Variants in CASP14 observed in about 807,000 individuals in gnomAD.
The protein encoded by CASP14 is caspase 14, also known as caspase-14.
In CASP14, 27 loss-of-function variants were observed where a neutral mutation model predicts 28.4. The observed-to-expected ratio is 0.95, with a 90% confidence interval of 0.70 to 1.31. The LOEUF is 1.31. Ranked by LOEUF, CASP14 falls within the 50% of genes most tolerant of loss-of-function variation. CASP14 has a pLI of 0.00. For synonymous variants in CASP14, 115 were observed against 118.6 expected (o/e 0.97, Z 0.20); for missense variants, 323 against 312.8 (o/e 1.03, Z -0.25).
Position 15,053,574 on chromosome 19 carries a change from A to G in CASP14, c.120A>G (p.Glu40=). ...CCGAAGAAGACCTGGATGCTCTGGA[A>G]CACATGTTTCGGCAGCTGAGATTCG... ...EGSEEDLDAL[E]HMFRQLRFES... Residue 40 remains glutamate (E), a synonymous_variant, in exon 3 of 7, where the codon GAA becomes GAG. Transcript: ENST00000427043. 1 of 1,614,208 alleles carries G rather than the reference A, an allele frequency of 6.2e-7. No individual in the cohort carries two copies. The highest frequency in any genetic ancestry group is 8.5e-7 in the Non-Finnish European group (1 of 1,180,044).
rs1280307258 is a variant in CASP14, at chr19:15,057,958, A to C, written c.*1869A>C. ...CATCAGGATCTCTCACACCCTTCCAATTTTGCCATCTACCAGCACTTAGCT... is the reference window on the plus strand; with the variant it reads ...CATCAGGATCTCTCACACCCTTCCACTTTTGCCATCTACCAGCACTTAGCT... On this transcript the variant is annotated 3_prime_UTR_variant, in exon 7 of 7. Transcript: ENST00000427043. 1 of 152,178 alleles carries C rather than the reference A, an allele frequency of 6.6e-6. No individual in the cohort carries two copies. The highest frequency in any genetic ancestry group is 1.5e-5 in the Non-Finnish European group (1 of 68,080). 9.4% of individuals were successfully genotyped at this position (152,178 alleles called of 1,614,324 possible). A position where few individuals can be genotyped will look rare whatever the true frequency, so the allele number is the denominator to read the frequency against.
chr19:15,053,475 G>A lies in CASP14; in HGVS notation c.28-7G>A, dbSNP rs770818396. 4.3e-6 allele frequency: 7 copies of A among 1,613,852 alleles called. 1 individual carries two copies. The African/African-American group carries it at 9.3e-5, about 22-fold the overall frequency. ...CCATGCTGATTTCTGTCTTCTCTTGGCCCCAGGAGAAATATGATATGTCAG... is the reference window on the plus strand; with the variant it reads ...CCATGCTGATTTCTGTCTTCTCTTGACCCCAGGAGAAATATGATATGTCAG... On this transcript the variant is annotated splice_polypyrimidine_tract_variant and splice_region_variant and intron_variant, in intron 2 of 6. Coordinates refer to ENST00000427043, the MANE Select transcript of CASP14 (RefSeq NM_012114.3).
In CASP14 at chr19:15,055,534, G is replaced by A. The variant is rs777427647; in HGVS notation, c.624+1G>A. On this transcript the variant is annotated splice_donor_variant, in intron 6 of 6. Coordinates refer to ENST00000427043, the MANE Select transcript of CASP14 (RefSeq NM_012114.3). LOFTEE classifies it high-confidence loss of function. ...ACATATCTTGGAACTTCTGACAGAG[G>A]TGAGTTGACAAAAGGTAGCTGGGAC... 57 of 1,612,038 alleles carry A rather than the reference G, an allele frequency of 3.5e-5. No individual in the cohort carries two copies. In the East Asian group the frequency reaches 1.0e-3, roughly 29 times the overall value.
At chr19:15,051,512 A>AAAAG (rs1272964208) in intron 1 of CASP14, among the ~76,000 whole-genome samples, 1 of 151,276 alleles carries the variant, frequency 6.6e-6, no homozygotes, top group Non-Finnish European at 1.5e-5. Context: ...CAAAAAAAAA[A>AAAAG]AAAAAAAAAG....
intron 1 of CASP14, among the ~76,000 whole-genome samples, chr19:15,050,268 T>C (rs1418777932): frequency 6.6e-6 from 1 of 151,738 alleles, no homozygotes; most frequent in Non-Finnish European, 1.5e-5. Flanking sequence ...TCACAATCTT[T>C]GGCTCCTCTT....
chr19:15,053,843 G>C lies in CASP14; in HGVS notation c.288G>C (p.Lys96Asn), dbSNP rs1568315228. ...CTCACGGGAGGGAAGGCTTCCTCAA[G>C]GGAGAAGATGGGGAGATGGTCAAGC... ...LMAHGREGFL[K>N]GEDGEMVKLE... Residue 96 changes from lysine to asparagine, a missense_variant, in exon 4 of 7, where the codon AAG becomes AAC. By Grantham distance (94) the Lys-to-Asn change is moderately conservative (BLOSUM62 0). Transcript: ENST00000427043. 2 of 1,614,170 alleles carry C rather than the reference G, an allele frequency of 1.2e-6. No individual in the cohort carries two copies. Among genetic ancestry groups the C allele is most frequent in the Non-Finnish European group, 1.7e-6 (2 of 1,180,028 alleles).
rs778745329 is a variant in CASP14 at position 15,053,723 on chromosome 19, C to G, written c.178-10C>G. ...GACCCAGCTGAGTCTGGTTCTTCCT[C>G]TCACTCCAGCAATTCCAGGAAGAGC... On this transcript the variant is annotated splice_polypyrimidine_tract_variant and intron_variant, in intron 3 of 6. Transcript: ENST00000427043. 12 of 1,612,832 alleles carry G rather than the reference C, an allele frequency of 7.4e-6. No homozygotes were observed. In the Admixed American group the frequency reaches 1.7e-4, roughly 22 times the overall value.
At chr19:15,052,728 G>C (rs1175455788) in intron 2 of CASP14, among the ~76,000 whole-genome samples, 1 of 152,144 alleles carries the variant, frequency 6.6e-6, no homozygotes, top group Non-Finnish European at 1.5e-5. Context: ...GGAATGCTCA[G>C]AACACTCTTG....
rs750059845 is a variant in CASP14 at position 15,053,917 on chromosome 19, G to A, written c.362G>A (p.Arg121Gln). 1.5e-5 allele frequency: 24 copies of A among 1,614,066 alleles called. No individual in the cohort carries two copies. The highest frequency in any genetic ancestry group is 6.7e-5 in the African/African-American group (5 of 75,040). Residue 121 changes from arginine (R) to glutamine (Q), a missense_variant, in exon 4 of 7, where the codon CGA becomes CAA. Coordinates refer to ENST00000427043, the MANE Select transcript of CASP14 (RefSeq NM_012114.3). ...AACAACAAGAACTGCCAGGCCCTGCGAGCTAAGCCCAAGGTGTACATCATA... is the reference window on the plus strand; with the variant it reads ...AACAACAAGAACTGCCAGGCCCTGCAAGCTAAGCCCAAGGTGTACATCATA... ...ALNNKNCQALRAKPKVYIIQA... is the reference protein window; with the variant it reads ...ALNNKNCQALQAKPKVYIIQA...
chr19:15,055,702 G>A (rs1164309787), intron 6 of CASP14, among the ~76,000 whole-genome samples, 169 bp downstream of exon 6: 1 of 151,958 alleles, frequency 6.6e-6, no homozygotes, highest in African/African-American at 2.4e-5. Flanking sequence ...CCAAATGCAG[G>A]GACTCTTAAA....
intron 1 of CASP14, among the ~76,000 whole-genome samples, chr19:15,050,321 T>TGTGTGTGA (rs201170850): frequency 1.3e-5 from 2 of 149,100 alleles, no homozygotes; most frequent in South Asian, 4.3e-4. Flanking sequence ...TGTGTGTGTG[T>TGTGTGTGA]GAGAGAGAGA....
intron 2 of CASP14, among the ~76,000 whole-genome samples, chr19:15,052,785 G>A (rs944126272): frequency 7.1e-6 from 1 of 141,658 alleles, no homozygotes; most frequent in African/African-American, 2.6e-5. Context: ...ACAACTGGAA[G>A]GGATCTTCAA....
rs1436816156 is a variant in CASP14 at position 15,056,168 on chromosome 19, C to T, written c.*79C>T. On this transcript the variant is annotated 3_prime_UTR_variant, in exon 7 of 7. Transcript: ENST00000427043. ...AATTTAGAGGCAGCTCTTACCTCTC[C>T]CCAAGATCTTCTGTTCCCAAGGCCA... 2.1e-5 allele frequency: 24 copies of T among 1,162,374 alleles called. No homozygotes were observed. The East Asian group carries it at 2.4e-4, about 12-fold the overall frequency. The allele number at this position is 1,162,374 out of a possible 1,614,324, so 72.0% of individuals were successfully genotyped here. A position where few individuals can be genotyped will look rare whatever the true frequency, so the allele number is the denominator to read the frequency against.
chr19:15,053,995 G>C (rs959010938), intron 4 of CASP14, 37 bp downstream of exon 4: 1 of 1,557,876 alleles, frequency 6.4e-7, no homozygotes, highest in Non-Finnish European at 8.8e-7. Flanking sequence ...TCTGTGGTTT[G>C]TTGTTTCTGT....
chr19:15,052,693 C>A (rs1027570077), intron 2 of CASP14, among the ~76,000 whole-genome samples: 3 of 152,178 alleles, frequency 2.0e-5, no homozygotes, highest in Admixed American at 6.5e-5. Flanking sequence ...AACTCTGAGA[C>A]CTCTGCAAGT....
chr19:15,052,733 C>G (rs1406337045), intron 2 of CASP14, among the ~76,000 whole-genome samples: 1 of 152,120 alleles, frequency 6.6e-6, no homozygotes, highest in East Asian at 1.9e-4. Flanking sequence ...GCTCAGAACA[C>G]TCTTGGGGAG....
chr19:15,056,484 C>A lies in CASP14; in HGVS notation c.*395C>A. 1 of 180,550 alleles carries A rather than the reference C, an allele frequency of 5.5e-6. No homozygotes were observed. The highest frequency in any genetic ancestry group is 1.2e-5 in the Non-Finnish European group (1 of 83,888). 11.2% of individuals were successfully genotyped at this position (180,550 alleles called of 1,614,324 possible). On this transcript the variant is annotated 3_prime_UTR_variant, in exon 7 of 7. Transcript: ENST00000427043. ...TCATCCCCTCCTACCCCAATCCAAC[C>A]TCTGCTGGCTCCTGCATCTCACTTG...
At chr19:15,055,797 TTA>T (rs1457020911) in intron 6 of CASP14, among the ~76,000 whole-genome samples, 186 bp from the exon 7 acceptor site, 4 of 152,142 alleles carry the variant, frequency 2.6e-5, no homozygotes, top group African/African-American at 9.7e-5. Context: ...CTTTTAATGT[TTA>T]TATGTTTTTA....
At chr19:15,054,511 G>A (rs542493403) in intron 4 of CASP14, among the ~76,000 whole-genome samples, 1 of 152,316 alleles carries the variant, frequency 6.6e-6, no homozygotes, top group South Asian at 2.1e-4. Flanking sequence ...GAGCCCAGGA[G>A]TTAAGAGGCT....
Sources: allele counts gnomAD v4.1 joint callset (sites outside exome capture counted in the v4.1 genomes callset), GRCh38; gene constraint gnomAD v4.1.1; transcripts MANE v1.5; gene names NCBI Gene and HGNC (gene_info 2026-07-23, HGNC 2026-07-21).